CFAP54: variants seen among roughly 807,000 people sequenced by gnomAD.
CFAP54 encodes the protein cilia and flagella associated protein 54.
A neutral mutation model predicts 370.4 loss-of-function variants in CFAP54; 290 were observed. The ratio of observed to expected loss-of-function variants is 0.78; its 90% confidence interval spans 0.71 to 0.86. The LOEUF is 0.86. CFAP54 is among the 40% of genes least tolerant of loss of function. CFAP54 has a pLI of 0.00. For missense variants in CFAP54, 3,399 were observed against 3,528.7 expected, an observed-to-expected ratio of 0.96 and a Z score of 0.93; for synonymous variants, 1,206 against 1,236.5, an observed-to-expected ratio of 0.98 and a Z score of 0.52.
In CFAP54 at chr12:96,829,508, T is replaced by C. The variant is rs539520970; in HGVS notation, c.9171+420T>C. On this transcript the variant is annotated intron_variant, in intron 66 of 67. Coordinates refer to ENST00000524981, the MANE Select transcript of CFAP54 (RefSeq NM_001306084.2). ...ATTTTTATGTGAAAAGTCTACTTTG[T>C]CATATTTAATGCCTGCATAATGGTT... Among the ~76,000 whole-genome samples the C allele has an allele frequency of 2.6e-4, 40 of 152,208 alleles. 1 individual carries two copies. Among genetic ancestry groups the C allele is most frequent in the Admixed American group, 2.5e-3 (38 of 15,268 alleles).
chr12:96,542,861 C>T (rs1355086678), intron 14 of CFAP54, among the ~76,000 whole-genome samples: 1 of 152,178 alleles, frequency 6.6e-6, no homozygotes, highest in Non-Finnish European at 1.5e-5. Flanking sequence ...TCTCTTAAAT[C>T]TCTCTAATCT....
At chr12:96,719,679 A>G (rs1184426854) in intron 49 of CFAP54, among the ~76,000 whole-genome samples, 1 of 152,224 alleles carries the variant, frequency 6.6e-6, no homozygotes, top group Non-Finnish European at 1.5e-5. Flanking sequence ...TGCTCAATGC[A>G]CGTATTCCCA....
intron 60 of CFAP54, among the ~76,000 whole-genome samples, chr12:96,784,036 A>G (rs1014932325): frequency 6.6e-6 from 1 of 152,208 alleles, no homozygotes; most frequent in African/African-American, 2.4e-5. Context: ...TTGTAGATGT[A>G]ATTCATTCAC....
chr12:96,740,569 A>T (rs996091004), intron 51 of CFAP54, among the ~76,000 whole-genome samples: 2 of 152,224 alleles, frequency 1.3e-5, no homozygotes, highest in African/African-American at 2.4e-5. Flanking sequence ...ACAATACAGG[A>T]TTGTTTAGGA....
At chr12:96,826,652 A>C (rs1592789845) in intron 65 of CFAP54, among the ~76,000 whole-genome samples, 1 of 108,198 alleles carries the variant, frequency 9.2e-6, no homozygotes, top group African/African-American at 3.8e-5. Context: ...GTATATATTA[A>C]ATATATTATA....
intron 66 of CFAP54, among the ~76,000 whole-genome samples, chr12:96,836,543 A>T (rs1959186681): frequency 6.6e-6 from 1 of 152,204 alleles, no homozygotes; most frequent in Non-Finnish European, 1.5e-5. Context: ...AAAGAGGCTG[A>T]GGTGGAAAGG....
intron 19 of CFAP54, among the ~76,000 whole-genome samples, chr12:96,572,596 G>A (rs1955933064): frequency 6.6e-6 from 1 of 152,130 alleles, no homozygotes; most frequent in African/African-American, 2.4e-5. Flanking sequence ...TATTAGAGGA[G>A]GCATTGAAGG....
chr12:96,635,629 A>G (rs1005210204), intron 32 of CFAP54, among the ~76,000 whole-genome samples: 13 of 152,224 alleles, frequency 8.5e-5, no homozygotes, highest in African/African-American at 2.9e-4. Context: ...GCTTGGTTCC[A>G]CAACACTGCC....
intron 66 of CFAP54, among the ~76,000 whole-genome samples, chr12:96,842,339 C>T (rs1959227532): frequency 6.6e-6 from 1 of 152,110 alleles, no homozygotes; most frequent in East Asian, 1.9e-4. Flanking sequence ...AAAACTGCTG[C>T]ATATCACACC....
At chr12:96,848,900 G>A (rs1391978208) in intron 66 of CFAP54, among the ~76,000 whole-genome samples, 2 of 152,198 alleles carry the variant, frequency 1.3e-5, no homozygotes, top group Non-Finnish European at 2.9e-5. Flanking sequence ...CTTCCTGAGA[G>A]TTGGATGCTA....
Position 96,786,791 on chromosome 12 carries a change from T to C in CFAP54, c.8572T>C (p.Leu2858=). The change falls in exon 62 of 68, where the codon TTA becomes CTA. Residue 2858 remains leucine, a synonymous_variant. Coordinates refer to ENST00000524981, the MANE Select transcript of CFAP54 (RefSeq NM_001306084.2). ...KEVHFFLKKF[L]QLYSSSCIDE... ...AGTGCATTTTTTCCTTAAAAAATTC[T>C]TACAGCTGTATTCTTCTTCTTGTAT... The C allele has an allele frequency of 6.5e-7, 1 of 1,535,768 alleles. No homozygotes were observed. The highest frequency in any genetic ancestry group is 1.2e-5 in the South Asian group (1 of 84,054).
At chr12:96,571,616 G>C (rs1249622424) in intron 19 of CFAP54, among the ~76,000 whole-genome samples, 1 of 152,124 alleles carries the variant, frequency 6.6e-6, no homozygotes, top group African/African-American at 2.4e-5. Flanking sequence ...AATTGTAATA[G>C]GTTGGTGTTC....
In CFAP54 at chr12:96,778,998, C is replaced by G. The variant is rs1958553574; in HGVS notation, c.8282-5719C>G. Among the ~76,000 whole-genome samples, 3 of 150,718 alleles carry G rather than the reference C, an allele frequency of 2.0e-5. 1 individual carries two copies. The South Asian group carries it at 6.3e-4, about 32-fold the overall frequency. On this transcript the variant is annotated intron_variant, in intron 60 of 67. Transcript: ENST00000524981. The stretch of plus-strand genomic sequence containing the variant: ...GGGCAGGCACCTGTAATCCCAGTTA[C>G]TGGGAGGCTGAGGCAGGAGAATCTC...
intron 45 of CFAP54, among the ~76,000 whole-genome samples, chr12:96,696,692 G>T: frequency 6.6e-6 from 1 of 152,092 alleles, no homozygotes; most frequent in African/African-American, 2.4e-5. Flanking sequence ...GTATCTGGTA[G>T]CAGTGCCAGG....
Position 96,506,917 on chromosome 12 carries a change from A to G in CFAP54, c.568-11A>G, listed in dbSNP as rs1263804575. ...TTTCTATTTCTATTTCTATTTTCCC[A>G]TGTGTTTCAGTTTCATGCTTTGAGT... On this transcript the variant is annotated splice_polypyrimidine_tract_variant and intron_variant, in intron 3 of 67. Transcript: ENST00000524981. 4.6e-6 allele frequency: 7 copies of G among 1,525,538 alleles called. No individual in the cohort carries two copies. Among genetic ancestry groups the G allele is most frequent in the African/African-American group, 1.4e-5 (1 of 72,458 alleles). The allele number at this position is 1,525,538 out of a possible 1,614,324, so 94.5% of individuals were successfully genotyped here.
At chr12:96,534,812 A>AT (rs2098893480) in intron 11 of CFAP54, among the ~76,000 whole-genome samples, 1 of 152,158 alleles carries the variant, frequency 6.6e-6, no homozygotes, top group African/African-American at 2.4e-5. Context: ...TGTACCAAGT[A>AT]ATGATATATG....
chr12:96,793,551 T>C (rs1053067579), intron 63 of CFAP54, among the ~76,000 whole-genome samples: 16 of 152,308 alleles, frequency 1.1e-4, no homozygotes, highest in Middle Eastern at 6.8e-3. Flanking sequence ...TAATGACTTT[T>C]TTCCTCTGGG....
intron 15 of CFAP54, 78 bp downstream of exon 15, chr12:96,548,056 A>G (rs1362492263): frequency 3.4e-6 from 2 of 595,944 alleles, no homozygotes; most frequent in Non-Finnish European, 5.6e-6. Flanking sequence ...TAAATGCATA[A>G]TGGTTAATTG....
At chr12:96,618,833 C>T (rs541017834) in intron 26 of CFAP54, among the ~76,000 whole-genome samples, 7 of 152,272 alleles carry the variant, frequency 4.6e-5, no homozygotes, top group Admixed American at 6.5e-5. Context: ...CCTTCTTCTC[C>T]CATTTGGGGA....
Sources: allele counts gnomAD v4.1 joint callset (sites outside exome capture counted in the v4.1 genomes callset), GRCh38; gene constraint gnomAD v4.1.1; transcripts MANE v1.5; gene names NCBI Gene and HGNC (gene_info 2026-07-23, HGNC 2026-07-21).